The following RREB1 variants were observed in gnomAD, a reference collection of about 807,000 sequenced individuals.
The protein encoded by RREB1 is ras responsive element binding protein 1.
A neutral mutation model predicts 117.8 loss-of-function variants in RREB1; 27 were observed. The observed-to-expected ratio is 0.23, with a 90% confidence interval of 0.17 to 0.32. The LOEUF (loss-of-function observed/expected upper bound fraction) is 0.32, where lower values mean the gene tolerates loss of function less well. Ranked by LOEUF, RREB1 falls within the 10% of genes least tolerant of loss-of-function variation. The probability of loss-of-function intolerance (pLI) is 1.00; values close to 1 mark genes in which losing one functional copy is unlikely to be tolerated. For synonymous variants in RREB1, 1,298 were observed against 1,026.7 expected (o/e 1.26, Z -5.05); for missense variants, 2,577 against 2,378.2 (o/e 1.08, Z -1.74).
chr6:7,136,369 A>G (rs1581432201), intron 1 of RREB1, among the ~76,000 whole-genome samples: 2 of 152,224 alleles, frequency 1.3e-5, no homozygotes, highest in Admixed American at 6.5e-5. Flanking sequence ...TCCCCCCTTC[A>G]GTAGCTTCAG....
intron 1 of RREB1, among the ~76,000 whole-genome samples, chr6:7,149,995 GTT>G (rs375066168): frequency 4.3e-5 from 6 of 140,304 alleles, no homozygotes; most frequent in Admixed American, 7.1e-5. Flanking sequence ...GGCCTGGTTG[GTT>G]TTTTTTTTTT....
chr6:7,251,816 T>C lies in RREB1; in HGVS notation c.*2848T>C, dbSNP rs995558882. Reference sequence around the variant, plus strand: ...TTAAAAACTGCTGCTACATGTTATGTACAAAACTGGTTTATGCCACATGAA... The same window carrying C: ...TTAAAAACTGCTGCTACATGTTATGCACAAAACTGGTTTATGCCACATGAA... On this transcript the variant is annotated 3_prime_UTR_variant, in exon 13 of 13. Coordinates refer to ENST00000379938, the MANE Select transcript of RREB1 (RefSeq NM_001003699.4). The C allele has an allele frequency of 5.9e-5, 9 of 152,254 alleles. No individual in the cohort carries two copies. Among genetic ancestry groups the C allele is most frequent in the African/African-American group, 2.2e-4 (9 of 41,466 alleles). The allele number at this position is 152,254 out of a possible 1,614,324, so 9.4% of individuals were successfully genotyped here. A position where few individuals can be genotyped will look rare whatever the true frequency, so the allele number is the denominator to read the frequency against.
chr6:7,146,239 T>C (rs1272817499), intron 1 of RREB1, among the ~76,000 whole-genome samples: 1 of 152,142 alleles, frequency 6.6e-6, no homozygotes, highest in Non-Finnish European at 1.5e-5. Context: ...TTGCCATCTG[T>C]TTCTAGAGCA....
At chr6:7,184,954 T>C (rs955878513) in intron 4 of RREB1, 2 of 152,158 alleles carry the variant, frequency 1.3e-5, no homozygotes, top group African/African-American at 4.8e-5. Context: ...ATCCCCAACT[T>C]TTGGCCTGGC....
At chr6:7,163,148 G>A (rs141349430) in intron 1 of RREB1, among the ~76,000 whole-genome samples, 45 of 152,312 alleles carry the variant, frequency 3.0e-4, no homozygotes, top group South Asian at 1.9e-3. Flanking sequence ...AGAGCAGAGC[G>A]TTAAAGTTTA....
chr6:7,215,362 G>A (rs1298156817), intron 8 of RREB1: 1 of 152,166 alleles, frequency 6.6e-6, no homozygotes, highest in Non-Finnish European at 1.5e-5. Context: ...TCATTTTGAG[G>A]ATCTCGTTCT....
At chr6:7,126,492 C>G (rs1761939001) in intron 1 of RREB1, among the ~76,000 whole-genome samples, 1 of 151,698 alleles carries the variant, frequency 6.6e-6, no homozygotes, top group South Asian at 2.1e-4. Flanking sequence ...TGGTCTTAAA[C>G]TCCTGACCTC....
intron 6 of RREB1, among the ~76,000 whole-genome samples, chr6:7,203,450 T>C (rs1325252287): frequency 2.0e-5 from 3 of 152,208 alleles, no homozygotes; most frequent in Non-Finnish European, 4.4e-5. Flanking sequence ...GAAGGGTCTT[T>C]ACCCAGGACC....
chr6:7,246,791 G>T lies in RREB1; in HGVS notation c.4341G>T (p.Lys1447Asn). 1 of 1,551,690 alleles carries T rather than the reference G, an allele frequency of 6.4e-7. No individual in the cohort carries two copies. The highest frequency in any genetic ancestry group is 8.7e-7 in the Non-Finnish European group (1 of 1,148,808). ...GAGGAASQEQ[K>N]LACDTCGKSF... ...GGGGCGCGGCCTCGCAGGAGCAGAAGCTCGCCTGCGACACCTGTGGGAAGA... is the reference window on the plus strand; with the variant it reads ...GGGGCGCGGCCTCGCAGGAGCAGAATCTCGCCTGCGACACCTGTGGGAAGA... Residue 1447 changes from lysine (K) to asparagine (N), a missense_variant, in exon 12 of 13, where the codon AAG becomes AAT. Lys to Asn is a moderately conservative substitution (Grantham distance 94). Transcript: ENST00000379938.
chr6:7,179,724 G>GT (rs1162571544), intron 2 of RREB1, among the ~76,000 whole-genome samples: 3 of 151,868 alleles, frequency 2.0e-5, no homozygotes. Flanking sequence ...GTGTCTACAT[G>GT]TTTTTTCCCT....
chr6:7,182,508 A>G (rs1451065058), intron 4 of RREB1, among the ~76,000 whole-genome samples: 2 of 152,238 alleles, frequency 1.3e-5, no homozygotes, highest in African/African-American at 2.4e-5. Context: ...GAAAAAGCAC[A>G]GAATTTGGCT....
chr6:7,223,431 C>T (rs1268852309), intron 8 of RREB1, among the ~76,000 whole-genome samples: 2 of 151,706 alleles, frequency 1.3e-5, no homozygotes, highest in East Asian at 1.9e-4. Flanking sequence ...CGTGGTGGCG[C>T]ATGCCTGTAA....
At chr6:7,151,348 AG>A (rs1204596786) in intron 1 of RREB1, among the ~76,000 whole-genome samples, 3 of 152,338 alleles carry the variant, frequency 2.0e-5, no homozygotes, top group African/African-American at 7.2e-5. Flanking sequence ...GGTCTTATCC[AG>A]GATTTCAAGA....
At chr6:7,170,578 A>G (rs1234377338) in intron 1 of RREB1, among the ~76,000 whole-genome samples, 3 of 152,240 alleles carry the variant, frequency 2.0e-5, no homozygotes, top group Admixed American at 2.0e-4. Context: ...GTGAAGGCCC[A>G]GGCCATGTGG....
intron 1 of RREB1, among the ~76,000 whole-genome samples, chr6:7,109,797 T>TG (rs994005932): frequency 1.3e-4 from 20 of 152,180 alleles, no homozygotes; most frequent in African/African-American, 4.3e-4. Context: ...CGGGGCACTT[T>TG]GGAGGGGTTT....
At chr6:7,191,871 A>C (rs114822034) in intron 6 of RREB1, among the ~76,000 whole-genome samples, 8 of 152,186 alleles carry the variant, frequency 5.3e-5, no homozygotes, top group Admixed American at 4.6e-4. Context: ...CATGTCTGTT[A>C]TTCATTTTCT....
At chr6:7,125,338 G>A (rs1340113632) in intron 1 of RREB1, among the ~76,000 whole-genome samples, 1 of 152,246 alleles carries the variant, frequency 6.6e-6, no homozygotes, top group African/African-American at 2.4e-5. Context: ...CCCTTGGAAA[G>A]GTTAGAGTGT....
At chr6:7,174,797 T>C (rs979190861) in intron 1 of RREB1, among the ~76,000 whole-genome samples, 4 of 152,060 alleles carry the variant, frequency 2.6e-5, no homozygotes, top group Non-Finnish European at 5.9e-5. Context: ...TTAGTAGAGA[T>C]GGGGTTTTGC....
At chr6:7,203,708 A>AT (rs1292657522) in intron 6 of RREB1, among the ~76,000 whole-genome samples, 3 of 152,220 alleles carry the variant, frequency 2.0e-5, no homozygotes, top group African/African-American at 7.2e-5. Context: ...AACTATCCTT[A>AT]TACTGGCTCC....
Sources: allele counts gnomAD v4.1 joint callset (sites outside exome capture counted in the v4.1 genomes callset), GRCh38; gene constraint gnomAD v4.1.1; transcripts MANE v1.5; gene names NCBI Gene and HGNC (gene_info 2026-07-23, HGNC 2026-07-21).